COL6A6: variants seen among roughly 807,000 people sequenced by gnomAD.
The protein encoded by COL6A6 is collagen type VI alpha 6 chain.
A neutral mutation model predicts 208.6 loss-of-function variants in COL6A6; 183 were observed. That is an observed-to-expected ratio of 0.88 (90% CI 0.78 to 0.99). The LOEUF (loss-of-function observed/expected upper bound fraction) is 0.99, where lower values mean the gene tolerates loss of function less well. COL6A6 is among the 50% of genes least tolerant of loss of function. The pLI, the probability that COL6A6 is intolerant of heterozygous loss-of-function variation, is 0.00. For missense variants in COL6A6, 2,816 were observed against 2,815.2 expected, an observed-to-expected ratio of 1.00 and a Z score of -0.01; for synonymous variants, 973 against 1,011.8, an observed-to-expected ratio of 0.96 and a Z score of 0.73.
chr3:130,646,209 G>C (rs546536098), intron 32 of COL6A6, among the ~76,000 whole-genome samples: 85 of 152,296 alleles, frequency 5.6e-4, no homozygotes, highest in African/African-American at 1.4e-3. Flanking sequence ...TAATGTAAGG[G>C]GGGGAGATGT....
chr3:130,639,404 T>C (rs1219814212), intron 28 of COL6A6, among the ~76,000 whole-genome samples: 1 of 152,204 alleles, frequency 6.6e-6, no homozygotes, highest in African/African-American at 2.4e-5. Flanking sequence ...ACAAAAAGAC[T>C]GATTGGGGTC....
At position 130,656,485 on chromosome 3, in the gene COL6A6, C is replaced by T. The variant is rs1164282157; in HGVS notation, c.5734-2191C>T. Among the ~76,000 whole-genome samples, 4 of 152,194 alleles carry T rather than the reference C, an allele frequency of 2.6e-5. No individual in the cohort carries two copies. The South Asian group carries it at 6.2e-4, about 24-fold the overall frequency. ...AACTGGTGGCCTCCTTGAGTCTGTCCGAGTCCAGGGTTTTTATGGGTTTCA... is the reference window on the plus strand; with the variant it reads ...AACTGGTGGCCTCCTTGAGTCTGTCTGAGTCCAGGGTTTTTATGGGTTTCA... On this transcript the variant is annotated intron_variant, in intron 33 of 36. Coordinates refer to ENST00000358511, the MANE Select transcript of COL6A6 (RefSeq NM_001102608.3).
intron 31 of COL6A6, among the ~76,000 whole-genome samples, chr3:130,643,363 T>G (rs2065373211): frequency 6.6e-6 from 1 of 152,208 alleles, no homozygotes; most frequent in African/African-American, 2.4e-5. Flanking sequence ...TGACAGTAAC[T>G]GACAGAATTG....
At chr3:130,535,671 C>T (rs1357946561) in intron 1 of COL6A6, among the ~76,000 whole-genome samples, 1 of 152,154 alleles carries the variant, frequency 6.6e-6, no homozygotes, top group Non-Finnish European at 1.5e-5. Flanking sequence ...TTTGCCTCTG[C>T]AGCTGCTGAG....
chr3:130,577,105 C>A (rs2063315682), intron 8 of COL6A6, among the ~76,000 whole-genome samples: 1 of 152,196 alleles, frequency 6.6e-6, no homozygotes, highest in South Asian at 2.1e-4. Flanking sequence ...ATTTTTTGAG[C>A]ATCTACGAAG....
At chr3:130,659,851 G>C (rs559163357) in intron 34 of COL6A6, among the ~76,000 whole-genome samples, 1 of 152,246 alleles carries the variant, frequency 6.6e-6, no homozygotes, top group Non-Finnish European at 1.5e-5. Flanking sequence ...TTCTGAGGGA[G>C]AAGTAGGGTT....
chr3:130,635,159 C>T (rs1273447739), intron 27 of COL6A6, among the ~76,000 whole-genome samples: 2 of 151,956 alleles, frequency 1.3e-5, no homozygotes, highest in Non-Finnish European at 2.9e-5. Context: ...CACTTGAACC[C>T]AGGAGATGGA....
At chr3:130,622,901 A>C (rs1342946731) in intron 24 of COL6A6, among the ~76,000 whole-genome samples, 3 of 151,726 alleles carry the variant, frequency 2.0e-5, no homozygotes, top group Non-Finnish European at 4.4e-5. Flanking sequence ...AGAAGATAAA[A>C]ATTTTGGCAA....
In COL6A6 at chr3:130,649,370, G is replaced by A. The variant is rs769001918; in HGVS notation, c.5541G>A (p.Arg1847=). ...SASREIGRAM[R]FISRNVFKRT... The stretch of plus-strand genomic sequence containing the variant: ...GCAGGGAGATTGGCAGAGCAATGCG[G>A]TTTATTTCCAGGAATGTCTTCAAGC... Residue 1847 remains arginine (R), a synonymous_variant, in exon 33 of 37, where the codon CGG becomes CGA. Coordinates refer to ENST00000358511, the MANE Select transcript of COL6A6 (RefSeq NM_001102608.3). The A allele has an allele frequency of 1.2e-6, 2 of 1,612,294 alleles. No homozygotes were observed. Among genetic ancestry groups the A allele is most frequent in the Non-Finnish European group, 1.7e-6 (2 of 1,179,260 alleles).
In COL6A6 at chr3:130,664,984, A is replaced by G. The variant is rs1354013768; in HGVS notation, c.6503-19A>G. The G allele has an allele frequency of 1.3e-6, 2 of 1,512,754 alleles. No homozygotes were observed. The highest frequency in any genetic ancestry group is 4.6e-5 in the East Asian group (2 of 43,254). 93.7% of individuals were successfully genotyped at this position (1,512,754 alleles called of 1,614,324 possible). A position where few individuals can be genotyped will look rare whatever the true frequency, so the allele number is the denominator to read the frequency against. The stretch of plus-strand genomic sequence containing the variant: ...AACAGTCATGAATACAAGACTTATC[A>G]CAGACTTTTCTCTTCTAGGTGCAAT... On this transcript the variant is annotated intron_variant, in intron 35 of 36. Transcript: ENST00000358511.
chr3:130,622,082 T>A (rs2064737138), intron 24 of COL6A6, among the ~76,000 whole-genome samples, 199 bp downstream of exon 24: 1 of 151,942 alleles, frequency 6.6e-6, no homozygotes, highest in South Asian at 2.1e-4. Flanking sequence ...TCCAGCTCAG[T>A]GTAATTTAAG....
At position 130,563,489 on chromosome 3, in the gene COL6A6, C is replaced by G; in HGVS notation, c.486C>G (p.Ile162Met). 3 of 1,614,026 alleles carry G rather than the reference C, an allele frequency of 1.9e-6. No homozygotes were observed. ...TGCGGAAAGACGGAGTGAAAATCATCTCTGTAGGGGTGCAGAAAGCTTCTG... is the reference window on the plus strand; with the variant it reads ...TGCGGAAAGACGGAGTGAAAATCATGTCTGTAGGGGTGCAGAAAGCTTCTG... ...KALRKDGVKI[I>M]SVGVQKASEE... Residue 162 changes from isoleucine to methionine, a missense_variant, in exon 3 of 37, where the codon ATC becomes ATG. Transcript: ENST00000358511.
At chr3:130,557,844 T>C (rs1382584889) in intron 1 of COL6A6, among the ~76,000 whole-genome samples, 10 of 152,328 alleles carry the variant, frequency 6.6e-5, no homozygotes, top group African/African-American at 2.4e-4. Context: ...AAGCCAAGTC[T>C]TGGGTGGCTG....
chr3:130,531,349 A>G (rs2062090990), intron 1 of COL6A6, among the ~76,000 whole-genome samples: 1 of 152,096 alleles, frequency 6.6e-6, no homozygotes, highest in African/African-American at 2.4e-5. Flanking sequence ...GTGGCACCCC[A>G]CACCCCAGCA....
At chr3:130,657,290 G>A (rs1248761630) in intron 33 of COL6A6, among the ~76,000 whole-genome samples, 1 of 152,246 alleles carries the variant, frequency 6.6e-6, no homozygotes. Context: ...AGTGGGACAA[G>A]CCTAGTGGGC....
At chr3:130,644,153 A>G (rs1437614141) in intron 31 of COL6A6, among the ~76,000 whole-genome samples, 1 of 152,250 alleles carries the variant, frequency 6.6e-6, no homozygotes, top group Non-Finnish European at 1.5e-5. Flanking sequence ...AAGAAATCAT[A>G]ACCATTAACT....
At chr3:130,581,020 T>C (rs1003806628) in intron 8 of COL6A6, among the ~76,000 whole-genome samples, 4 of 152,114 alleles carry the variant, frequency 2.6e-5, no homozygotes, top group Non-Finnish European at 5.9e-5. Flanking sequence ...TTTTTTTCTT[T>C]TCTGCATGGA....
At chr3:130,598,922 T>A (rs1057258041) in intron 19 of COL6A6, among the ~76,000 whole-genome samples, 2 of 152,222 alleles carry the variant, frequency 1.3e-5, no homozygotes, top group African/African-American at 4.8e-5. Context: ...TTTTCAGTAT[T>A]TAAAAATAGT....
At chr3:130,572,416 T>C (rs2063189786) in intron 7 of COL6A6, among the ~76,000 whole-genome samples, 1 of 150,260 alleles carries the variant, frequency 6.7e-6, no homozygotes, top group Non-Finnish European at 1.5e-5. Flanking sequence ...TAAATGTTTT[T>C]ACTAGATGAA....
Sources: allele counts gnomAD v4.1 joint callset (sites outside exome capture counted in the v4.1 genomes callset), GRCh38; gene constraint gnomAD v4.1.1; transcripts MANE v1.5; gene names NCBI Gene and HGNC (gene_info 2026-07-23, HGNC 2026-07-21).